CHRM2: variants seen among roughly 807,000 people sequenced by gnomAD.
CHRM2 encodes muscarinic acetylcholine receptor M2.
In CHRM2, 8 loss-of-function variants were observed where a neutral mutation model predicts 25.0. The observed-to-expected ratio is 0.32, with a 90% CI of 0.19 to 0.58. The LOEUF is 0.58. CHRM2 is among the 20% of genes least tolerant of loss of function. CHRM2 has a pLI of 0.88. For missense variants in CHRM2, 440 were observed against 567.1 expected (o/e 0.78, Z 2.28); for synonymous variants, 202 against 205.7 (o/e 0.98, Z 0.15).
In CHRM2 at chr7:136,881,208, T is replaced by A. The variant is rs563882461; in HGVS notation, c.-125+11790T>A. 3.8e-4 allele frequency among the ~76,000 whole-genome samples: 57 copies of A among 150,998 alleles called. 1 individual carries two copies. The East Asian group carries it at 0.011, about 29-fold the overall frequency. On this transcript the variant is annotated intron_variant, in intron 2 of 3. Transcript: ENST00000680005. ...TAGTTTGCCTTTACGGACTGTCATGTAATGGAAATCATACAGTATGTAGTT... is the reference window on the plus strand; with the variant it reads ...TAGTTTGCCTTTACGGACTGTCATGAAATGGAAATCATACAGTATGTAGTT...
At chr7:136,916,131 T>A (rs980934323) in intron 2 of CHRM2, among the ~76,000 whole-genome samples, 2 of 119,908 alleles carry the variant, frequency 1.7e-5, no homozygotes, top group Non-Finnish European at 4.2e-5. Context: ...AGGGAGAATA[T>A]TGTTCTAACT....
At chr7:136,886,950 G>T (rs1796491784) in intron 2 of CHRM2, among the ~76,000 whole-genome samples, 2 of 152,158 alleles carry the variant, frequency 1.3e-5, no homozygotes, top group Admixed American at 6.5e-5. Context: ...TCTCAGTTGG[G>T]GTTTCAGAAT....
At chr7:136,922,653 A>G (rs966994132) in intron 2 of CHRM2, among the ~76,000 whole-genome samples, 2 of 152,026 alleles carry the variant, frequency 1.3e-5, no homozygotes, top group African/African-American at 4.8e-5. Context: ...GACTCTCTCA[A>G]ATTGGCCTAG....
intron 2 of CHRM2, among the ~76,000 whole-genome samples, chr7:136,925,790 T>C (rs1798713701): frequency 6.6e-6 from 1 of 152,230 alleles, no homozygotes; most frequent in Non-Finnish European, 1.5e-5. Context: ...GCTGATTTCA[T>C]GCCTGACACT....
intron 2 of CHRM2, among the ~76,000 whole-genome samples, chr7:136,896,044 T>C (rs893806291): frequency 1.3e-5 from 2 of 152,184 alleles, no homozygotes; most frequent in Non-Finnish European, 2.9e-5. Context: ...TGTTTTTAAA[T>C]TTTATTTGCA....
At chr7:136,968,472 T>C (rs969719341) in intron 2 of CHRM2, among the ~76,000 whole-genome samples, 20 of 151,860 alleles carry the variant, frequency 1.3e-4, no homozygotes, top group African/African-American at 4.3e-4. Context: ...GTACGGAGGT[T>C]CCTCAAAAAA....
At chr7:137,006,259 C>T (rs767507654) in intron 3 of CHRM2, among the ~76,000 whole-genome samples, 1 of 152,078 alleles carries the variant, frequency 6.6e-6, no homozygotes, top group Non-Finnish European at 1.5e-5. Flanking sequence ...CAGGCCTCTT[C>T]CTTTTTGGCA....
At chr7:136,948,751 G>A (rs1370543740) in intron 2 of CHRM2, among the ~76,000 whole-genome samples, 2 of 152,136 alleles carry the variant, frequency 1.3e-5, no homozygotes. Flanking sequence ...AACAGAGAGT[G>A]AGGCAGTAAG....
Position 137,015,794 on chromosome 7 carries a change from C to A in CHRM2, c.929C>A (p.Thr310Asn). The A allele has an allele frequency of 6.2e-7, 1 of 1,613,120 alleles. No homozygotes were observed. The change falls in exon 4 of 4, where the codon ACT becomes AAT. Residue 310 changes from threonine to asparagine, a missense_variant. By Grantham distance (65) the Thr-to-Asn change is moderately conservative (BLOSUM62 0). This residue lies in a region of CHRM2 where 261 missense variants were observed against 261.8 expected (regional missense o/e 1.00). Coordinates refer to ENST00000680005, the MANE Select transcript of CHRM2 (RefSeq NM_001006630.2). The surrounding 1 kb of genome is among the most constrained non-coding windows in gnomAD (Gnocchi z 5.1). Reference sequence around the variant, plus strand: ...ACCCAGGATGAAAACACAGTTTCCACTTCCCTGGGCCATTCCAAAGATGAG... The same window carrying A: ...ACCCAGGATGAAAACACAGTTTCCAATTCCCTGGGCCATTCCAAAGATGAG... The part of the protein sequence containing the change: ...EITQDENTVS[T>N]SLGHSKDENS...
chr7:137,007,110 G>C (rs1292188040), intron 3 of CHRM2, among the ~76,000 whole-genome samples: 2 of 152,118 alleles, frequency 1.3e-5, no homozygotes, highest in Non-Finnish European at 2.9e-5. Context: ...AAGAGAAAGG[G>C]AAAGAGAGAT....
intron 2 of CHRM2, among the ~76,000 whole-genome samples, chr7:136,935,422 G>C (rs535441955): frequency 6.6e-6 from 1 of 152,146 alleles, no homozygotes; most frequent in Admixed American, 6.5e-5. Flanking sequence ...TTGAAATCAA[G>C]CTGGATTTCA....
At chr7:136,900,132 C>T (rs537879544) in intron 2 of CHRM2, among the ~76,000 whole-genome samples, 117 of 152,036 alleles carry the variant, frequency 7.7e-4, no homozygotes, top group Non-Finnish European at 1.3e-3. Context: ...AATGAAATTC[C>T]GTCAGAACAA....
chr7:136,946,197 T>C (rs1292274675), intron 2 of CHRM2, among the ~76,000 whole-genome samples: 4 of 152,188 alleles, frequency 2.6e-5, no homozygotes, highest in African/African-American at 7.2e-5. Context: ...ATTAAAAGTA[T>C]TGTATTACCC....
At chr7:136,904,571 TCTTA>T (rs1797429571) in intron 2 of CHRM2, among the ~76,000 whole-genome samples, 1 of 151,926 alleles carries the variant, frequency 6.6e-6, no homozygotes, top group Non-Finnish European at 1.5e-5. Context: ...TTATTACTTA[TCTTA>T]CTTTTGTAGT....
intron 2 of CHRM2, among the ~76,000 whole-genome samples, chr7:136,976,491 T>A (rs1317816249): frequency 1.3e-5 from 2 of 152,082 alleles, no homozygotes; most frequent in African/African-American, 2.4e-5. Flanking sequence ...AACCAAGAAA[T>A]AAAGTGGCTA....
chr7:137,007,203 T>G (rs1034642255), intron 3 of CHRM2, among the ~76,000 whole-genome samples: 1 of 152,108 alleles, frequency 6.6e-6, no homozygotes, highest in African/African-American at 2.4e-5. Flanking sequence ...TTTCTCAGCC[T>G]TGTTGCTTAG....
chr7:136,956,164 T>G (rs903260566), intron 2 of CHRM2, among the ~76,000 whole-genome samples: 14 of 152,170 alleles, frequency 9.2e-5, no homozygotes, highest in African/African-American at 3.4e-4. Flanking sequence ...AAAATAATTT[T>G]GAACAAGACA....
chr7:136,917,601 G>C (rs939187484), intron 2 of CHRM2, among the ~76,000 whole-genome samples: 2 of 152,034 alleles, frequency 1.3e-5, no homozygotes, highest in African/African-American at 2.4e-5. Flanking sequence ...GGTAAACAAG[G>C]ATGGATGCCG....
intron 2 of CHRM2, among the ~76,000 whole-genome samples, chr7:136,946,381 A>G (rs1465388665): frequency 6.6e-6 from 1 of 152,214 alleles, no homozygotes; most frequent in Non-Finnish European, 1.5e-5. Flanking sequence ...AGTAGGAGAT[A>G]CAATGATACA....
Sources: gnomAD v4.1 joint callset for allele counts (sites outside exome capture counted in the v4.1 genomes callset) on GRCh38, gnomAD v4.1.1 for gene constraint, gnomAD v4.1.1 regional missense constraint, Gnocchi (gnomAD v3.1) non-coding constraint, MANE v1.5 for transcripts, NCBI Gene and HGNC (gene_info 2026-07-23, HGNC 2026-07-21) for gene names.